Variants in PRKCQ observed in about 807,000 individuals in gnomAD.
PRKCQ encodes protein kinase C theta type.
PRKCQ carries 41 observed loss-of-function variants against 91.2 expected under a neutral mutation model. The observed-to-expected ratio is 0.45, with a 90% CI of 0.35 to 0.58. The LOEUF (loss-of-function observed/expected upper bound fraction) is 0.58. Among genes scored for constraint, PRKCQ ranks in the 20% least tolerant of loss-of-function variants. The probability of loss-of-function intolerance (pLI) is 0.00; values close to 1 mark genes in which losing one functional copy is unlikely to be tolerated. For synonymous variants in PRKCQ, 307 were observed against 316.9 expected (o/e 0.97, Z 0.33); for missense variants, 673 against 896.5 (o/e 0.75, Z 3.18).
downstream of PRKCQ, among the ~76,000 whole-genome samples, chr10:6,422,863 T>G (rs1833037616): frequency 6.6e-6 from 1 of 152,174 alleles, no homozygotes; most frequent in Admixed American, 6.5e-5. Flanking sequence ...GAGACATCAT[T>G]GATCACTGTG....
chr10:6,411,457 G>A, the PRKCQ span, among the ~76,000 whole-genome samples: 1 of 152,192 alleles, frequency 6.6e-6, no homozygotes, highest in African/African-American at 2.4e-5. Context: ...CCTAGGAGGA[G>A]ACAAATTCCT....
intron 1 of PRKCQ, among the ~76,000 whole-genome samples, chr10:6,520,227 A>AAG (rs1332983400): frequency 6.6e-6 from 1 of 152,014 alleles, no homozygotes; most frequent in Non-Finnish European, 1.5e-5. Flanking sequence ...TTCCCTTTCA[A>AAG]ACTTGCCTTT....
intron 16 of PRKCQ, among the ~76,000 whole-genome samples, chr10:6,434,360 G>C (rs754113637): frequency 1.3e-5 from 2 of 152,168 alleles, no homozygotes; most frequent in Non-Finnish European, 2.9e-5. Context: ...TAGCTTGGAT[G>C]TGTACCTGCA....
intron 12 of PRKCQ, among the ~76,000 whole-genome samples, chr10:6,476,201 G>A (rs888334852): frequency 6.6e-6 from 1 of 152,016 alleles, no homozygotes; most frequent in African/African-American, 2.4e-5. Flanking sequence ...AGAAACAAAT[G>A]CTGCCTGAAG....
Position 6,432,752 on chromosome 10 carries a change from G to A in PRKCQ, c.1837-1814C>T, listed in dbSNP as rs140681319. Among the ~76,000 whole-genome samples, 525 of 152,176 alleles carry A rather than the reference G, an allele frequency of 3.4e-3. 6 individuals are homozygous for A. The highest frequency in any genetic ancestry group is 0.012 in the African/African-American group (505 of 41,504). ...CATTCAAGGCTCTCTGGAGTCTGAC[G>A]CTGACTCACAGGACCTTCCATTTCC... On this transcript the variant is annotated intron_variant, in intron 16 of 17. Coordinates refer to ENST00000263125, the MANE Select transcript of PRKCQ (RefSeq NM_006257.5).
At chr10:6,512,398 C>T (rs191072046) in intron 2 of PRKCQ, among the ~76,000 whole-genome samples, 330 of 152,318 alleles carry the variant, frequency 2.2e-3, no homozygotes, top group Non-Finnish European at 3.2e-3. Flanking sequence ...GAAATAGTAA[C>T]AAATCTGTAG....
At chr10:6,486,427 A>G (rs1188878320) in intron 8 of PRKCQ, among the ~76,000 whole-genome samples, 1 of 152,116 alleles carries the variant, frequency 6.6e-6, no homozygotes, top group Non-Finnish European at 1.5e-5. Flanking sequence ...GAAGATGCCC[A>G]CCTGCGTGCC....
intron 1 of PRKCQ, among the ~76,000 whole-genome samples, chr10:6,556,669 A>ATGT (rs5782911): frequency 0.9 from 136,257 of 151,718 alleles, 62,094 homozygotes; most frequent in East Asian, 1. Flanking sequence ...TGTAAATTTT[A>ATGT]TGTTTATTTT....
intron 1 of PRKCQ, among the ~76,000 whole-genome samples, chr10:6,571,867 G>A (rs961391812): frequency 4.6e-5 from 7 of 152,098 alleles, no homozygotes; most frequent in African/African-American, 1.4e-4. Flanking sequence ...AACCAGGTGT[G>A]GTCCTTCCCT....
intron 1 of PRKCQ, among the ~76,000 whole-genome samples, chr10:6,543,974 G>A (rs1839862716): frequency 6.6e-6 from 1 of 152,120 alleles, no homozygotes; most frequent in African/African-American, 2.4e-5. Flanking sequence ...CACTGAGAGA[G>A]CTGTCTCTTT....
intron 13 of PRKCQ, among the ~76,000 whole-genome samples, chr10:6,463,276 C>A (rs1450177698): frequency 6.6e-6 from 1 of 152,076 alleles, no homozygotes. Context: ...GGATTAAGGT[C>A]GGATATAAGA....
At chr10:6,449,586 C>G (rs1834531735) in intron 15 of PRKCQ, among the ~76,000 whole-genome samples, 3 of 151,820 alleles carry the variant, frequency 2.0e-5, no homozygotes, top group African/African-American at 7.3e-5. Flanking sequence ...CAGAGAACGC[C>G]ACAAAGATAC....
At chr10:6,498,995 T>C (rs1837765596) in intron 4 of PRKCQ, among the ~76,000 whole-genome samples, 2 of 152,156 alleles carry the variant, frequency 1.3e-5, no homozygotes, top group African/African-American at 2.4e-5. Flanking sequence ...TGACAGCCTC[T>C]TGGGAACAGC....
chr10:6,436,310 T>A (rs1302030756), intron 16 of PRKCQ, among the ~76,000 whole-genome samples: 1 of 152,196 alleles, frequency 6.6e-6, no homozygotes, highest in African/African-American at 2.4e-5. Flanking sequence ...GTTTTGTTTT[T>A]AAATAATTAT....
intron 1 of PRKCQ, among the ~76,000 whole-genome samples, chr10:6,536,472 A>G (rs1439866452): frequency 6.6e-6 from 1 of 152,168 alleles, no homozygotes; most frequent in Non-Finnish European, 1.5e-5. Flanking sequence ...TGAATAGCAC[A>G]CCTCATAAGA....
At chr10:6,408,751 T>A in the PRKCQ span, among the ~76,000 whole-genome samples, 1 of 152,260 alleles carries the variant, frequency 6.6e-6, no homozygotes, top group South Asian at 2.1e-4. Context: ...AGTAGCTGTT[T>A]ATTAACTCAT....
chr10:6,449,691 G>A (rs1050409531), intron 15 of PRKCQ, among the ~76,000 whole-genome samples: 233 of 152,090 alleles, frequency 1.5e-3, no homozygotes, highest in African/African-American at 5.1e-3. Flanking sequence ...GAGAAAGGTC[G>A]GGTTACCCAC....
At chr10:6,493,814 C>G (rs767996320) in intron 7 of PRKCQ, among the ~76,000 whole-genome samples, 16 of 152,222 alleles carry the variant, frequency 1.1e-4, no homozygotes, top group Non-Finnish European at 1.8e-4. Context: ...ACTTTAACCT[C>G]TTTGAGTCTT....
intron 4 of PRKCQ, among the ~76,000 whole-genome samples, chr10:6,501,278 A>C (rs1320506115): frequency 6.6e-6 from 1 of 152,048 alleles, no homozygotes; most frequent in Non-Finnish European, 1.5e-5. Flanking sequence ...GGAGGTAAAA[A>C]GGTGAAAAAA....
Sources: gnomAD v4.1 joint callset for allele counts (sites outside exome capture counted in the v4.1 genomes callset) on GRCh38, gnomAD v4.1.1 for gene constraint, MANE v1.5 for transcripts, NCBI Gene and HGNC (gene_info 2026-07-23, HGNC 2026-07-21) for gene names.